The following SUZ12 variants were observed in gnomAD, a reference collection of about 807,000 sequenced individuals.
SUZ12 encodes polycomb protein SUZ12.
In SUZ12, 17 loss-of-function variants were observed where a neutral mutation model predicts 87.3. The ratio of observed to expected loss-of-function variants is 0.19; its 90% CI spans 0.13 to 0.29. The LOEUF (loss-of-function observed/expected upper bound fraction) is 0.29. Ranked by LOEUF, SUZ12 falls within the 10% of genes least tolerant of loss-of-function variation. The pLI, the probability that SUZ12 is intolerant of heterozygous loss-of-function variation, is 1.00. For synonymous variants in SUZ12, 253 were observed against 312.4 expected, an observed-to-expected ratio of 0.81 and a Z score of 2.01; for missense variants, 526 against 912.2, an observed-to-expected ratio of 0.58 and a Z score of 5.45.
intron 9 of SUZ12, 137 bp from the exon 10 acceptor site, chr17:31,988,183 C>G (rs2142203694): frequency 1.3e-6 from 1 of 778,286 alleles, no homozygotes; most frequent in South Asian, 2.2e-5. Flanking sequence ...CTAGCCGTCT[C>G]AGTCAGCATT....
At chr17:31,959,049 A>T (rs956002102) in intron 4 of SUZ12, among the ~76,000 whole-genome samples, 1 of 151,980 alleles carries the variant, frequency 6.6e-6, no homozygotes, top group Non-Finnish European at 1.5e-5. Flanking sequence ...TCTGTAGACT[A>T]CCTCTTAGGT....
intron 4 of SUZ12, among the ~76,000 whole-genome samples, chr17:31,963,474 G>A (rs1476288553): frequency 6.6e-6 from 1 of 150,494 alleles, no homozygotes; most frequent in East Asian, 2.0e-4. Flanking sequence ...TTAAGTTGTG[G>A]TGGTGGTTCT....
chr17:31,987,366 G>A (rs746164723), intron 9 of SUZ12, among the ~76,000 whole-genome samples: 22 of 152,202 alleles, frequency 1.4e-4, no homozygotes, highest in Admixed American at 1.2e-3. Flanking sequence ...GGATAAGAAT[G>A]CAGAACCAAT....
At chr17:31,957,676 G>T (rs1907437052) in intron 4 of SUZ12, among the ~76,000 whole-genome samples, 2 of 150,002 alleles carry the variant, frequency 1.3e-5, no homozygotes, top group African/African-American at 2.5e-5. Context: ...CTCCCAAAGT[G>T]CTGGGATTGT....
chr17:31,974,268 C>T (rs998367915), intron 6 of SUZ12, among the ~76,000 whole-genome samples: 9 of 152,114 alleles, frequency 5.9e-5, no homozygotes, highest in African/African-American at 2.2e-4. Context: ...GTGCTGGTGG[C>T]TCACGCCTGT....
chr17:31,963,881 A>G (rs754181861), intron 4 of SUZ12: 10,589 of 151,302 alleles, frequency 0.07, no homozygotes, highest in African/African-American at 0.23. Context: ...AACCAGGCCC[A>G]ACCCTGCTTA....
chr17:31,993,209 G>A, intron 10 of SUZ12, 33 bp from the exon 11 acceptor site: 5 of 1,416,514 alleles, frequency 3.5e-6, no homozygotes, highest in Non-Finnish European at 4.8e-6. Context: ...CAAAAGCAAT[G>A]TTTTTATTGA....
At chr17:31,938,427 C>T (rs190251364) in intron 1 of SUZ12, among the ~76,000 whole-genome samples, 8 of 152,314 alleles carry the variant, frequency 5.3e-5, no homozygotes, top group Admixed American at 4.6e-4. Context: ...TACAGTTTCA[C>T]TGTGGCATAT....
chr17:31,948,423 A>G (rs1158225159), intron 4 of SUZ12, among the ~76,000 whole-genome samples: 2 of 152,188 alleles, frequency 1.3e-5, no homozygotes, highest in Non-Finnish European at 1.5e-5. Flanking sequence ...TCCTTTAGAG[A>G]GTGCAGAACT....
At chr17:31,940,523 C>G (rs772392730) in intron 3 of SUZ12, 37 bp downstream of exon 3, 2 of 1,507,670 alleles carry the variant, frequency 1.3e-6, no homozygotes, top group East Asian at 4.7e-5. Context: ...CTGATCAAAC[C>G]ATGTTAGTTT....
At chr17:31,989,386 G>GA (rs1044031151) in intron 10 of SUZ12, among the ~76,000 whole-genome samples, 65 of 148,580 alleles carry the variant, frequency 4.4e-4, no homozygotes, top group Admixed American at 3.8e-3. Flanking sequence ...AATTTGAATT[G>GA]AAAAAAAAAA....
chr17:31,949,660 GCCCCC>G (rs796561870), intron 4 of SUZ12, among the ~76,000 whole-genome samples: 750 of 5,360 alleles, frequency 0.14, 13 homozygotes, highest in South Asian at 0.26. Context: ...ACCACACCCA[GCCCCC>G]CCCCCCCCCC....
intron 3 of SUZ12, among the ~76,000 whole-genome samples, chr17:31,943,672 G>A (rs1469930832): frequency 1.3e-5 from 2 of 151,876 alleles, no homozygotes; most frequent in African/African-American, 4.8e-5. Context: ...TATAAAACTA[G>A]TAGAATTCGA....
At chr17:31,951,482 CTT>C (rs1038403579) in intron 4 of SUZ12, among the ~76,000 whole-genome samples, 37 of 133,256 alleles carry the variant, frequency 2.8e-4, no homozygotes, top group Admixed American at 3.8e-4. Flanking sequence ...GTGGTTAGTT[CTT>C]TTTTTTTTTT....
chr17:31,958,105 G>C (rs1448054843), intron 4 of SUZ12, among the ~76,000 whole-genome samples: 1 of 151,022 alleles, frequency 6.6e-6, no homozygotes, highest in African/African-American at 2.4e-5. Context: ...GGGTTTCACC[G>C]TGTTAGCCAG....
At chr17:31,976,164 A>G (rs1908740300) in intron 7 of SUZ12, among the ~76,000 whole-genome samples, 1 of 152,040 alleles carries the variant, frequency 6.6e-6, no homozygotes, top group African/African-American at 2.4e-5. Context: ...TGAGTGCCAT[A>G]ATACAGGTAT....
rs1200392820 is a variant in SUZ12 at position 32,000,868 on chromosome 17, C to G, written c.*1865C>G. 4.5e-6 allele frequency: 1 copy of G among 222,580 alleles called. No individual in the cohort carries two copies. Among genetic ancestry groups the G allele is most frequent in the African/African-American group, 2.2e-5 (1 of 44,766 alleles). 13.8% of individuals were successfully genotyped at this position (222,580 alleles called of 1,614,324 possible). On this transcript the variant is annotated 3_prime_UTR_variant, in exon 16 of 16. Coordinates refer to ENST00000322652, the MANE Select transcript of SUZ12 (RefSeq NM_015355.4). The stretch of plus-strand genomic sequence containing the variant: ...TTCTATTTATAAAAAAAGTGCTTTT[C>G]TATATGTACCCTTGATAACAGATTT...
intron 4 of SUZ12, among the ~76,000 whole-genome samples, chr17:31,949,545 A>C (rs1377226559): frequency 1.3e-5 from 2 of 148,292 alleles, no homozygotes; most frequent in Admixed American, 6.9e-5. Context: ...TTTGAGATGG[A>C]GTCATGCAGT....
chr17:31,948,607 C>CT (rs1906774647), intron 4 of SUZ12, among the ~76,000 whole-genome samples: 1 of 152,044 alleles, frequency 6.6e-6, no homozygotes, highest in Non-Finnish European at 1.5e-5. Context: ...AAAAGACTTC[C>CT]TTTTTTTCAG....
Sources: gnomAD v4.1 joint callset for allele counts (sites outside exome capture counted in the v4.1 genomes callset) on GRCh38, gnomAD v4.1.1 for gene constraint, MANE v1.5 for transcripts, NCBI Gene and HGNC (gene_info 2026-07-23, HGNC 2026-07-21) for gene names.